MAP1B: variants seen among roughly 807,000 people sequenced by gnomAD.
MAP1B encodes the protein microtubule-associated protein 1B.
In MAP1B, 12 loss-of-function variants were observed where a neutral mutation model predicts 176.1. The ratio of observed to expected loss-of-function variants is 0.07; its 90% CI spans 0.04 to 0.11. MAP1B has a LOEUF of 0.11. Ranked by LOEUF, MAP1B falls within the 10% of genes least tolerant of loss-of-function variation. The pLI is 1.00. For synonymous variants in MAP1B, 1,044 were observed against 1,135.0 expected, an observed-to-expected ratio of 0.92 and a Z score of 1.61; for missense variants, 2,523 against 2,990.5, an observed-to-expected ratio of 0.84 and a Z score of 3.65.
chr5:72,162,877 A>T (rs887239519), intron 2 of MAP1B, among the ~76,000 whole-genome samples: 3 of 151,986 alleles, frequency 2.0e-5, no homozygotes, highest in African/African-American at 7.3e-5. Context: ...ACTTGTGGGG[A>T]TTTTCATTTC....
In MAP1B at chr5:72,186,489, C is replaced by T; in HGVS notation, c.370-125C>T. ...CTTCTGGCCTCCAGGAGAAATTAGA[C>T]CTTTGGGGAATGAATGCTTTTTGCT... On this transcript the variant is annotated intron_variant, in intron 3 of 6. Transcript: ENST00000296755. The surrounding 1 kb of genome is among the most constrained non-coding windows in gnomAD (Gnocchi z 4.3). The T allele has an allele frequency of 8.3e-7, 1 of 1,203,094 alleles. No individual in the cohort carries two copies. Among genetic ancestry groups the T allele is most frequent in the Non-Finnish European group, 1.2e-6 (1 of 852,612 alleles). 74.5% of individuals were successfully genotyped at this position (1,203,094 alleles called of 1,614,324 possible). A position where few individuals can be genotyped will look rare whatever the true frequency, so the allele number is the denominator to read the frequency against.
intron 2 of MAP1B, among the ~76,000 whole-genome samples, chr5:72,127,353 A>C (rs960231535): frequency 5.3e-5 from 8 of 152,244 alleles, no homozygotes; most frequent in Admixed American, 5.2e-4. Context: ...AATCATTATC[A>C]GAAAGTCATG....
rs369895472 is a variant in MAP1B at position 72,204,966 on chromosome 5, A to G, written c.7252-118A>G. On this transcript the variant is annotated intron_variant, in intron 6 of 6. Coordinates refer to ENST00000296755, the MANE Select transcript of MAP1B (RefSeq NM_005909.5). The surrounding 1 kb of genome is among the most constrained non-coding windows in gnomAD (Gnocchi z 4.4). ...CCTTTGCATTTCTTGAGGAAAATAG[A>G]AAAGTTTTCTCTCATTTCCCTTCTT... 7.6e-6 allele frequency: 5 copies of G among 658,146 alleles called. No individual in the cohort carries two copies. Among genetic ancestry groups the G allele is most frequent in the East Asian group, 5.8e-5 (2 of 34,776 alleles). 40.8% of individuals were successfully genotyped at this position (658,146 alleles called of 1,614,324 possible).
intron 2 of MAP1B, among the ~76,000 whole-genome samples, chr5:72,140,482 G>A (rs976392741): frequency 2.6e-5 from 4 of 152,086 alleles, no homozygotes; most frequent in Non-Finnish European, 4.4e-5. Flanking sequence ...GAAGAACACT[G>A]GTATAGAGGT....
At chr5:72,193,775 C>T in intron 4 of MAP1B, 91 bp from the exon 5 acceptor site, 3 of 1,377,622 alleles carry the variant, frequency 2.2e-6, no homozygotes, top group Non-Finnish European at 2.9e-6. Context: ...ATCCTGTGAT[C>T]CTGTAACACA....
Position 72,207,375 on chromosome 5 carries a change from G to T in MAP1B, c.*2136G>T, listed in dbSNP as rs935580896. 1.3e-5 allele frequency: 2 copies of T among 152,062 alleles called. No homozygotes were observed. The highest frequency in any genetic ancestry group is 2.9e-5 in the Non-Finnish European group (2 of 68,004). The allele number at this position is 152,062 out of a possible 1,614,324, so 9.4% of individuals were successfully genotyped here. On this transcript the variant is annotated 3_prime_UTR_variant, in exon 7 of 7. Coordinates refer to ENST00000296755, the MANE Select transcript of MAP1B (RefSeq NM_005909.5). ...TTTTTGTCTGATAAGTCTATGTTTTGCACTGCTAACTATGATGAGGGTTTA... is the reference window on the plus strand; with the variant it reads ...TTTTTGTCTGATAAGTCTATGTTTTTCACTGCTAACTATGATGAGGGTTTA...
In MAP1B at chr5:72,163,936, T is replaced by C. The variant is rs866197590; in HGVS notation, c.287-19807T>C. ...TCTCTCTTTTTTTTTTTTTCTTTTT[T>C]TTTTTTTTTTTTTTTGAGACAGGGT... On this transcript the variant is annotated intron_variant, in intron 2 of 6. Transcript: ENST00000296755. 5.2e-3 allele frequency among the ~76,000 whole-genome samples: 691 copies of C among 132,424 alleles called. 2 individuals are homozygous for C. Among genetic ancestry groups the C allele is most frequent in the African/African-American group, 0.018 (649 of 35,512 alleles). The allele number at this position is 132,424 out of a possible 152,430, so 86.9% of individuals were successfully genotyped here. A position where few individuals can be genotyped will look rare whatever the true frequency, so the allele number is the denominator to read the frequency against.
At chr5:72,145,994 A>G (rs1579994238) in intron 2 of MAP1B, among the ~76,000 whole-genome samples, 1 of 152,348 alleles carries the variant, frequency 6.6e-6, no homozygotes, top group South Asian at 2.1e-4. Flanking sequence ...GGATAAAGAG[A>G]TAGGTCAAAG....
chr5:72,191,709 A>G (rs1323512727), intron 4 of MAP1B, among the ~76,000 whole-genome samples: 3 of 152,230 alleles, frequency 2.0e-5, no homozygotes, highest in African/African-American at 7.2e-5. Context: ...CTTCTCTGGA[A>G]AGAAACCTGT....
At chr5:72,119,661 T>G (rs528277253) in intron 2 of MAP1B, among the ~76,000 whole-genome samples, 2 of 152,194 alleles carry the variant, frequency 1.3e-5, no homozygotes, top group African/African-American at 2.4e-5. Flanking sequence ...GTGTGCACCA[T>G]CACACCTAGG....
intron 4 of MAP1B, among the ~76,000 whole-genome samples, chr5:72,192,561 C>A (rs1317583756): frequency 6.6e-6 from 1 of 152,194 alleles, no homozygotes; most frequent in Non-Finnish European, 1.5e-5. Flanking sequence ...ATTATTCTTA[C>A]ACACATTCAT....
At chr5:72,135,930 T>C (rs1745831171) in intron 2 of MAP1B, among the ~76,000 whole-genome samples, 1 of 152,226 alleles carries the variant, frequency 6.6e-6, no homozygotes, top group South Asian at 2.1e-4. Flanking sequence ...CACTGGGTTT[T>C]GAGGTGTAGC....
intron 2 of MAP1B, among the ~76,000 whole-genome samples, chr5:72,129,048 G>T (rs1044386192): frequency 9.9e-5 from 15 of 152,196 alleles, no homozygotes; most frequent in Non-Finnish European, 2.2e-4. Flanking sequence ...AAAGGTAAGA[G>T]AGATGAGAAG....
chr5:72,195,028 G>T lies in MAP1B; in HGVS notation c.1673G>T (p.Arg558Leu). Residue 558 changes from arginine (R) to leucine (L), a missense_variant, in exon 5 of 7, where the codon CGC becomes CTC. By Grantham distance (102) the Arg-to-Leu change is moderately radical (BLOSUM62 -2). This residue lies in a region of MAP1B where 1,925 missense variants were observed against 2,126.0 expected (regional missense o/e 0.91). Transcript: ENST00000296755. Reference protein sequence around the residue: ...AAKPLPSKSVRKESKEETPEV... With the variant: ...AAKPLPSKSVLKESKEETPEV... ...AAACCACTTCCTAGCAAATCCGTGC[G>T]CAAGGAGTCAAAAGAAGAAACCCCT... is the stretch of plus-strand genomic sequence containing the variant. The T allele has an allele frequency of 6.2e-7, 1 of 1,614,016 alleles. No homozygotes were observed. The highest frequency in any genetic ancestry group is 8.5e-7 in the Non-Finnish European group (1 of 1,180,012).
rs556553191 is a variant in MAP1B, at chr5:72,174,761, A to G, written c.287-8982A>G. 2.6e-5 allele frequency among the ~76,000 whole-genome samples: 4 copies of G among 152,280 alleles called. No homozygotes were observed. The South Asian group carries it at 8.3e-4, about 32-fold the overall frequency. ...CCTTGTCTCAGCCTGGAGGAAACCA[A>G]ATCAGAGACTTGGAACCCTGTCATT... On this transcript the variant is annotated intron_variant, in intron 2 of 6. Transcript: ENST00000296755.
chr5:72,161,829 C>A (rs550582175), intron 2 of MAP1B, among the ~76,000 whole-genome samples: 3 of 151,646 alleles, frequency 2.0e-5, no homozygotes, highest in Non-Finnish European at 4.4e-5. Context: ...TAGTAGTGGG[C>A]GTCTGTAATC....
intron 4 of MAP1B, among the ~76,000 whole-genome samples, chr5:72,189,297 G>A (rs1433090188): frequency 6.6e-6 from 1 of 152,096 alleles, no homozygotes. Context: ...CTGAAATCCA[G>A]GGATGGTGAA....
At position 72,194,775 on chromosome 5, in the gene MAP1B, G is replaced by T; in HGVS notation, c.1420G>T (p.Val474Leu). Residue 474 changes from valine to leucine, a missense_variant, in exon 5 of 7, where the codon GTG becomes TTG. Val to Leu is a conservative substitution (Grantham distance 32). Around this residue, in one of 4 missense-constraint regions of MAP1B, gnomAD observed 1,925 missense variants for 2,126.0 expected, o/e 0.91. Coordinates refer to ENST00000296755, the MANE Select transcript of MAP1B (RefSeq NM_005909.5). This position sits in a 1 kb window ranked among gnomAD's most constrained non-coding sequence, Gnocchi z 7.2. ...CTTAACTTCAGTCTCATCTTTGATT[G>T]TGTGGCATCCAGCAAACCCTGCGGA... ...SYLTSVSSLI[V>L]WHPANPAEKI... The T allele has an allele frequency of 6.2e-7, 1 of 1,614,156 alleles. No homozygotes were observed. The highest frequency in any genetic ancestry group is 8.5e-7 in the Non-Finnish European group (1 of 1,180,022).
At chr5:72,166,519 G>A (rs374446947) in intron 2 of MAP1B, among the ~76,000 whole-genome samples, 2 of 152,162 alleles carry the variant, frequency 1.3e-5, no homozygotes, top group East Asian at 3.9e-4. Flanking sequence ...TAGAGAGGTC[G>A]AGACAGCAGC....
Sources: allele counts gnomAD v4.1 joint callset (sites outside exome capture counted in the v4.1 genomes callset), GRCh38; gene constraint gnomAD v4.1.1; regional missense constraint gnomAD v4.1.1; non-coding constraint Gnocchi (gnomAD v3.1); transcripts MANE v1.5; gene names NCBI Gene and HGNC (gene_info 2026-07-23, HGNC 2026-07-21).